KSR2: variants seen among roughly 807,000 people sequenced by gnomAD.
KSR2 encodes kinase suppressor of ras 2.
Under a neutral mutation model 107.8 loss-of-function variants are expected in KSR2, and 25 were observed. That is an observed-to-expected ratio of 0.23 (90% CI 0.17 to 0.32). The LOEUF is 0.32. Among genes scored for constraint, KSR2 ranks in the 10% least tolerant of loss-of-function variants. The pLI is 1.00. For synonymous variants in KSR2, 480 were observed against 507.0 expected, an observed-to-expected ratio of 0.95 and a Z score of 0.71; for missense variants, 887 against 1,268.9, an observed-to-expected ratio of 0.70 and a Z score of 4.57.
intron 1 of KSR2, among the ~76,000 whole-genome samples, chr12:117,920,397 T>C (rs1233940151): frequency 3.6e-5 from 3 of 83,372 alleles, no homozygotes; most frequent in Admixed American, 9.8e-5. Context: ...ACTGTGGTCT[T>C]TTTTTTTTTT....
At chr12:117,861,739 TG>T (rs1206359352) in intron 1 of KSR2, among the ~76,000 whole-genome samples, 1 of 151,586 alleles carries the variant, frequency 6.6e-6, no homozygotes, top group Non-Finnish European at 1.5e-5. Context: ...GGAAAAAGGG[TG>T]GGGGAAACAT....
In KSR2 at chr12:117,867,113, C is replaced by T. The variant is rs762751519; in HGVS notation, c.181-6682G>A. 2.1e-4 allele frequency among the ~76,000 whole-genome samples: 32 copies of T among 151,944 alleles called. 1 individual carries two copies. The highest frequency in any genetic ancestry group is 1.9e-4 in the Non-Finnish European group (13 of 67,938). ...GGAGGATCGCTTGAGCTCATGAGTT[C>T]GAGACCAGCCTGGCCAACATGGTAA... On this transcript the variant is annotated intron_variant, in intron 1 of 19. Coordinates refer to ENST00000339824, the MANE Select transcript of KSR2 (RefSeq NM_173598.6).
intron 1 of KSR2, among the ~76,000 whole-genome samples, chr12:117,936,924 T>C (rs1016539746): frequency 3.9e-5 from 6 of 152,176 alleles, no homozygotes; most frequent in African/African-American, 1.4e-4. Flanking sequence ...GGGTGGTGTC[T>C]GGGAGACTAG....
intron 4 of KSR2, among the ~76,000 whole-genome samples, chr12:117,684,791 G>A (rs937874382): frequency 5.3e-5 from 8 of 152,300 alleles, no homozygotes; most frequent in African/African-American, 7.2e-5. Flanking sequence ...GGTAACCGGC[G>A]TTCCCAATAA....
At chr12:117,754,331 A>G (rs1469669906) in intron 4 of KSR2, among the ~76,000 whole-genome samples, 1 of 152,162 alleles carries the variant, frequency 6.6e-6, no homozygotes, top group Non-Finnish European at 1.5e-5. Flanking sequence ...ACCAAGGATA[A>G]GGGGCCTAAA....
intron 5 of KSR2, among the ~76,000 whole-genome samples, chr12:117,644,104 C>T (rs1412146815): frequency 7.2e-5 from 11 of 152,186 alleles, no homozygotes; most frequent in African/African-American, 2.7e-4. Flanking sequence ...GTCTCCACCT[C>T]TGCAAATGTG....
At chr12:117,949,716 A>G (rs998565977) in intron 1 of KSR2, among the ~76,000 whole-genome samples, 2 of 152,220 alleles carry the variant, frequency 1.3e-5, no homozygotes, top group African/African-American at 4.8e-5. Context: ...AAATTCATCT[A>G]TGGTGGAAAA....
chr12:117,930,004 T>C (rs1349204035), intron 1 of KSR2, among the ~76,000 whole-genome samples: 1 of 152,124 alleles, frequency 6.6e-6, no homozygotes, highest in African/African-American at 2.4e-5. Context: ...TAAATGATAA[T>C]GATGAAGTAA....
intron 4 of KSR2, among the ~76,000 whole-genome samples, chr12:117,717,712 T>TGTGCGCGCGCGC (rs1209120329): frequency 7.3e-6 from 1 of 137,060 alleles, no homozygotes; most frequent in African/African-American, 2.6e-5. Context: ...TGTGTGTGTG[T>TGTGCGCGCGCGC]GCATGCGCGC....
chr12:117,862,728 C>CTTT (rs60357744), intron 1 of KSR2, among the ~76,000 whole-genome samples: 16 of 135,570 alleles, frequency 1.2e-4, no homozygotes, highest in Non-Finnish European at 1.9e-4. Context: ...CATTCCCCCC[C>CTTT]TTTTTTTTTT....
chr12:117,555,270 C>T lies in KSR2; in HGVS notation c.1417G>A (p.Glu473Lys), dbSNP rs770642509. ...RGDPARLVRT[E>K]SVPCDINNPL... ...TTGTTGATGTCACACGGAACGGACT[C>T]TGTCCGGACTAACCTTGCTGGATCC... The change falls in exon 9 of 20, where the codon GAG (glutamate) becomes AAG (lysine). Residue 473 changes from glutamate to lysine, a missense_variant. Physicochemically the swap from Glu to Lys is moderately conservative, Grantham distance 56 (BLOSUM62 1). Coordinates refer to ENST00000339824, the MANE Select transcript of KSR2 (RefSeq NM_173598.6). 6.2e-7 allele frequency: 1 copy of T among 1,613,986 alleles called. No individual in the cohort carries two copies. The highest frequency in any genetic ancestry group is 1.7e-5 in the Admixed American group (1 of 60,016).
intron 5 of KSR2, among the ~76,000 whole-genome samples, chr12:117,596,351 C>T (rs1298341494): frequency 6.6e-6 from 1 of 152,158 alleles, no homozygotes; most frequent in Non-Finnish European, 1.5e-5. Flanking sequence ...CCGGGTCCCT[C>T]CCATGACACA....
At chr12:117,951,055 C>T (rs1896350683) in intron 1 of KSR2, among the ~76,000 whole-genome samples, 1 of 151,834 alleles carries the variant, frequency 6.6e-6, no homozygotes, top group African/African-American at 2.4e-5. Flanking sequence ...CTACAGGCGC[C>T]CGCCACCACA....
chr12:117,834,098 G>C (rs147636532), intron 3 of KSR2, among the ~76,000 whole-genome samples: 92 of 151,788 alleles, frequency 6.1e-4, no homozygotes, highest in African/African-American at 2.2e-3. Flanking sequence ...CCAAGATCAG[G>C]CTACTGCACT....
At chr12:117,784,139 C>T (rs1889979480) in intron 3 of KSR2, among the ~76,000 whole-genome samples, 1 of 151,870 alleles carries the variant, frequency 6.6e-6, no homozygotes, top group African/African-American at 2.4e-5. Flanking sequence ...ATGAATAATC[C>T]CCATCACTCA....
chr12:117,709,111 C>T, intron 4 of KSR2, among the ~76,000 whole-genome samples: 1 of 152,226 alleles, frequency 6.6e-6, no homozygotes, highest in Non-Finnish European at 1.5e-5. Context: ...CCTGCGAAGT[C>T]CCTTTTACCA....
chr12:117,803,269 G>A (rs978368935), intron 3 of KSR2, among the ~76,000 whole-genome samples: 1 of 152,202 alleles, frequency 6.6e-6, no homozygotes, highest in Non-Finnish European at 1.5e-5. Context: ...AGAGCTGGGA[G>A]CGGACGGCAG....
intron 5 of KSR2, among the ~76,000 whole-genome samples, chr12:117,596,516 G>A (rs371641072): frequency 9.9e-5 from 15 of 152,218 alleles, no homozygotes; most frequent in East Asian, 9.7e-4. Flanking sequence ...ACATCACCTC[G>A]TAGCGAAACA....
chr12:117,484,368 G>C, intron 16 of KSR2, 48 bp downstream of exon 16: 1 of 1,606,480 alleles, frequency 6.2e-7, no homozygotes, highest in Non-Finnish European at 8.5e-7. Context: ...CCCACCTCCT[G>C]ACCATCATCT....
Sources: gnomAD v4.1 joint callset for allele counts (sites outside exome capture counted in the v4.1 genomes callset) on GRCh38, gnomAD v4.1.1 for gene constraint, MANE v1.5 for transcripts, NCBI Gene and HGNC (gene_info 2026-07-23, HGNC 2026-07-21) for gene names.